NBEA: variants seen among roughly 807,000 people sequenced by gnomAD.
NBEA encodes neurobeachin.
NBEA carries 44 observed loss-of-function variants against 343.4 expected under a neutral mutation model. The ratio of observed to expected loss-of-function variants is 0.13; its 90% CI spans 0.10 to 0.16. NBEA has a LOEUF of 0.16. NBEA is among the 10% of genes least tolerant of loss of function. The pLI, the probability that NBEA is intolerant of heterozygous loss-of-function variation, is 1.00. For synonymous variants in NBEA, 1,175 were observed against 1,238.7 expected (o/e 0.95, Z 1.08); for missense variants, 2,555 against 3,631.3 (o/e 0.70, Z 7.62).
At chr13:35,491,710 A>G (rs557164392) in intron 41 of NBEA, among the ~76,000 whole-genome samples, 2 of 152,000 alleles carry the variant, frequency 1.3e-5, no homozygotes, top group South Asian at 2.1e-4. Flanking sequence ...ATCTGAGGCA[A>G]TATAGAATGA....
intron 39 of NBEA, among the ~76,000 whole-genome samples, chr13:35,451,768 G>GC (rs1254660772): frequency 6.6e-6 from 1 of 152,194 alleles, no homozygotes; most frequent in Non-Finnish European, 1.5e-5. Context: ...TGATCTTAGA[G>GC]CCCTAAGACA....
intron 48 of NBEA, among the ~76,000 whole-genome samples, chr13:35,607,227 A>T (rs561695946): frequency 2.2e-4 from 33 of 152,256 alleles, no homozygotes; most frequent in African/African-American, 6.7e-4. Context: ...TTTTTAAAAA[A>T]GATTTTTTTT....
At chr13:35,285,335 CA>C (rs1408867705) in intron 34 of NBEA, among the ~76,000 whole-genome samples, 1 of 151,962 alleles carries the variant, frequency 6.6e-6, no homozygotes, top group East Asian at 1.9e-4. Context: ...CCAAAACAAA[CA>C]AAAAGATTAA....
chr13:35,111,066 T>C lies in NBEA; in HGVS notation c.2002+88T>C, dbSNP rs914588384. 7 of 1,047,620 alleles carry C rather than the reference T, an allele frequency of 6.7e-6. No homozygotes were observed. In the African/African-American group the frequency reaches 1.1e-4, roughly 17 times the overall value. 64.9% of individuals were successfully genotyped at this position (1,047,620 alleles called of 1,614,324 possible). A position where few individuals can be genotyped will look rare whatever the true frequency, so the allele number is the denominator to read the frequency against. On this transcript the variant is annotated intron_variant, in intron 13 of 58. Transcript: ENST00000379939. ...TTAAAGTGAGCAGTGTACATGACTATGAAATCACTGAAATGTTTTCTTTCT... is the reference window on the plus strand; with the variant it reads ...TTAAAGTGAGCAGTGTACATGACTACGAAATCACTGAAATGTTTTCTTTCT...
chr13:35,080,569 A>G (rs529974730), intron 10 of NBEA, among the ~76,000 whole-genome samples: 1 of 152,292 alleles, frequency 6.6e-6, no homozygotes, highest in South Asian at 2.1e-4. Flanking sequence ...TATTTTTGCC[A>G]TGGAGAGGAG....
intron 1 of NBEA, among the ~76,000 whole-genome samples, chr13:34,956,401 T>C (rs1469400211): frequency 2.6e-5 from 4 of 151,960 alleles, no homozygotes; most frequent in Admixed American, 2.0e-4. Flanking sequence ...TTTTTTTTTT[T>C]TTTTTGGTCA....
chr13:35,281,584 A>G (rs948543275), intron 34 of NBEA, among the ~76,000 whole-genome samples: 5 of 152,104 alleles, frequency 3.3e-5, no homozygotes, highest in Non-Finnish European at 7.4e-5. Flanking sequence ...GTTTCCTTTT[A>G]CCAATTATGT....
At chr13:35,234,645 C>T (rs954566482) in intron 34 of NBEA, among the ~76,000 whole-genome samples, 2 of 152,100 alleles carry the variant, frequency 1.3e-5, no homozygotes, top group Middle Eastern at 3.2e-3. Flanking sequence ...GTTGTGTATA[C>T]CTGGTCTTAC....
In NBEA at chr13:35,164,389, T is replaced by C. The variant is rs1337914531; in HGVS notation, c.4113T>C (p.Asn1371=). Residue 1371 remains asparagine, a synonymous_variant, in exon 24 of 59, where the codon AAT becomes AAC. Transcript: ENST00000379939. ...CAAAGTCTGTAATGGATTTTGTCAATAGCAATGAAAATATTATTTTTGTAC... is the reference window on the plus strand; with the variant it reads ...CAAAGTCTGTAATGGATTTTGTCAACAGCAATGAAAATATTATTTTTGTAC... The part of the protein sequence containing the change: ...HSTKSVMDFV[N]SNENIIFVHN... 6.3e-7 allele frequency: 1 copy of C among 1,587,978 alleles called. No individual in the cohort carries two copies. The highest frequency in any genetic ancestry group is 8.6e-7 in the Non-Finnish European group (1 of 1,164,904).
intron 24 of NBEA, among the ~76,000 whole-genome samples, chr13:35,167,773 G>A (rs989285177): frequency 6.6e-6 from 1 of 151,658 alleles, no homozygotes; most frequent in African/African-American, 2.4e-5. Flanking sequence ...CTAATATATT[G>A]TTTAACTTGG....
At chr13:35,005,740 G>C (rs2061296928) in intron 1 of NBEA, among the ~76,000 whole-genome samples, 1 of 152,148 alleles carries the variant, frequency 6.6e-6, no homozygotes, top group Admixed American at 6.5e-5. Flanking sequence ...GAAGAGTCAA[G>C]GATAGCTTAC....
rs577563719 is a variant in NBEA at position 35,405,459 on chromosome 13, A to G, written c.6180-26810A>G. Among the ~76,000 whole-genome samples the G allele has an allele frequency of 7.2e-4, 110 of 152,230 alleles. 2 individuals are homozygous for G. The South Asian group carries it at 0.021, about 29-fold the overall frequency. The stretch of plus-strand genomic sequence containing the variant: ...TCCTTCTATCAGTTTTACAAAATCG[A>G]TTTAATTTATCCCAATTTTGTGAAT... On this transcript the variant is annotated intron_variant, in intron 38 of 58. Transcript: ENST00000379939.
chr13:35,364,204 G>A (rs988236113), intron 38 of NBEA, among the ~76,000 whole-genome samples: 1 of 151,816 alleles, frequency 6.6e-6, no homozygotes, highest in African/African-American at 2.4e-5. Flanking sequence ...AAACATCCTT[G>A]ATTTACTTCT....
intron 38 of NBEA, among the ~76,000 whole-genome samples, chr13:35,372,909 G>C (rs1006037089): frequency 1.3e-5 from 2 of 152,146 alleles, no homozygotes; most frequent in African/African-American, 4.8e-5. Context: ...TCAAAATGGT[G>C]CCTTGATGTA....
At position 34,942,863 on chromosome 13, in the gene NBEA, C is replaced by T; in HGVS notation, c.43C>T (p.Gln15Ter). ...KPGPGPGLEP[Q>*]PVGLIAVGAA... The stretch of plus-strand genomic sequence containing the variant: ...GGGCCCGGGCCCGGGGCTCGAGCCT[C>T]AGCCCGTGGGGCTCATTGCCGTCGG... The change falls in exon 1 of 59, where the codon CAG (glutamine) becomes TAG (stop). Residue 15 changes from glutamine (Q) to a stop codon, truncating the protein, a stop_gained. Coordinates refer to ENST00000379939, the MANE Select transcript of NBEA (RefSeq NM_001385012.1). LOFTEE classifies it high-confidence loss of function. 7.2e-7 allele frequency: 1 copy of T among 1,395,052 alleles called. No homozygotes were observed. The highest frequency in any genetic ancestry group is 9.4e-7 in the Non-Finnish European group (1 of 1,068,312). The allele number at this position is 1,395,052 out of a possible 1,614,324, so 86.4% of individuals were successfully genotyped here.
intron 41 of NBEA, among the ~76,000 whole-genome samples, chr13:35,520,352 C>G (rs2077653517): frequency 6.6e-6 from 1 of 152,180 alleles, no homozygotes; most frequent in African/African-American, 2.4e-5. Flanking sequence ...CCTAGTATCA[C>G]TATAGTCACC....
In NBEA at chr13:35,592,307, A is replaced by G. The variant is rs1321030701; in HGVS notation, c.7177-1021A>G. 2.0e-5 allele frequency among the ~76,000 whole-genome samples: 3 copies of G among 152,118 alleles called. No homozygotes were observed. The East Asian group carries it at 5.8e-4, about 29-fold the overall frequency. On this transcript the variant is annotated intron_variant, in intron 46 of 58. Transcript: ENST00000379939. ...TTATTCTTCGTTCAACAGATTATAT[A>G]TTGAGCAACTTCTATGTACCAGGAG... is the stretch of plus-strand genomic sequence containing the variant.
chr13:35,236,532 C>T (rs543672313), intron 34 of NBEA, among the ~76,000 whole-genome samples: 9 of 152,056 alleles, frequency 5.9e-5, no homozygotes, highest in East Asian at 1.9e-4. Context: ...CTGCAAGCTC[C>T]GCCTTCTGGG....
chr13:35,190,560 TAACTGAGCAGAG>T (rs1243428459), intron 30 of NBEA, among the ~76,000 whole-genome samples: 1 of 152,154 alleles, frequency 6.6e-6, no homozygotes, highest in Non-Finnish European at 1.5e-5. Context: ...ACCACTAGGT[TAACTGAGCAGAG>T]ACTTAAGTGG....
Sources: allele counts gnomAD v4.1 joint callset (sites outside exome capture counted in the v4.1 genomes callset), GRCh38; gene constraint gnomAD v4.1.1; transcripts MANE v1.5; gene names NCBI Gene and HGNC (gene_info 2026-07-23, HGNC 2026-07-21).